The following AXIN1 variants were observed in gnomAD, a reference collection of about 807,000 sequenced individuals.
AXIN1 encodes the protein axin-1.
In AXIN1, 30 loss-of-function variants were observed where a neutral mutation model predicts 76.4. The ratio of observed to expected loss-of-function variants is 0.39; its 90% CI spans 0.29 to 0.53. The LOEUF (loss-of-function observed/expected upper bound fraction) is 0.53, where lower values mean the gene tolerates loss of function less well. Ranked by LOEUF, AXIN1 falls within the 20% of genes least tolerant of loss-of-function variation. The probability of loss-of-function intolerance (pLI) is 0.66; values close to 1 mark genes in which losing one functional copy is unlikely to be tolerated. For synonymous variants in AXIN1, 545 were observed against 501.4 expected (o/e 1.09, Z -1.16); for missense variants, 1,140 against 1,198.8 (o/e 0.95, Z 0.72).
At chr16:321,344 G>A (rs2053453540) in intron 2 of AXIN1, among the ~76,000 whole-genome samples, 1 of 148,330 alleles carries the variant, frequency 6.7e-6, no homozygotes, top group Non-Finnish European at 1.5e-5. Flanking sequence ...CCACTATGGG[G>A]AAACAGCAAA....
intron 3 of AXIN1, among the ~76,000 whole-genome samples, chr16:312,940 C>T (rs924892431): frequency 2.0e-5 from 3 of 152,234 alleles, no homozygotes; most frequent in Non-Finnish European, 4.4e-5. Context: ...ATAATCCCAG[C>T]ACTCGTGAGG....
Position 346,872 on chromosome 16 carries a change from T to C in AXIN1, c.154A>G (p.Ile52Val). 1.2e-6 allele frequency: 2 copies of C among 1,613,752 alleles called. No individual in the cohort carries two copies. Among genetic ancestry groups the C allele is most frequent in the South Asian group, 1.1e-5 (1 of 91,086 alleles). ...YSFCSGKGVGIKGETSTATPR... is the reference protein window; with the variant it reads ...YSFCSGKGVGVKGETSTATPR... ...GTGGCCGTCGAAGTCTCACCTTTAA[T>C]GCCAACACCTTTCCCGGAGCAGAAA... Residue 52 changes from isoleucine (I) to valine (V), a missense_variant, in exon 2 of 11, where the codon ATT (isoleucine) becomes GTT (valine). By Grantham distance (29) the Ile-to-Val change is conservative (BLOSUM62 3). This residue lies in a region of AXIN1 where 708 missense variants were observed against 776.9 expected (regional missense o/e 0.91). Transcript: ENST00000262320.
At position 297,739 on chromosome 16, in the gene AXIN1, A is replaced by C. The variant is rs2052753332; in HGVS notation, c.1767T>G (p.Ser589Arg). ...ACGCTCACCTGTGGGCGAGGCCATC[A>C]CTGGCGTTGGGGGCAGCGCCAACAC... ...SESVGAAPNA[S>R]DGLAHSGKVG... Residue 589 changes from serine (S) to arginine (R), a missense_variant, in exon 6 of 11, where the codon AGT (serine) becomes AGG (arginine). By Grantham distance (110) the Ser-to-Arg change is moderately radical. This residue lies in a region of AXIN1 where 429 missense variants were observed against 405.8 expected (regional missense o/e 1.06). Coordinates refer to ENST00000262320, the MANE Select transcript of AXIN1 (RefSeq NM_003502.4). 6.3e-7 allele frequency: 1 copy of C among 1,598,910 alleles called. No individual in the cohort carries two copies. Among genetic ancestry groups the C allele is most frequent in the South Asian group, 1.1e-5 (1 of 90,124 alleles).
At chr16:335,692 G>A (rs1288859638) in intron 2 of AXIN1, among the ~76,000 whole-genome samples, 1 of 151,208 alleles carries the variant, frequency 6.6e-6, no homozygotes, top group African/African-American at 2.4e-5. Context: ...CCAGCTCCAA[G>A]GCACCCAGTA....
At chr16:329,272 C>CAAAA (rs1176095680) in intron 2 of AXIN1, among the ~76,000 whole-genome samples, 18 of 71,204 alleles carry the variant, frequency 2.5e-4, no homozygotes, top group African/African-American at 5.3e-4. Flanking sequence ...GCGAGACTGT[C>CAAAA]AAAAAAAAAA....
intron 2 of AXIN1, among the ~76,000 whole-genome samples, chr16:334,053 C>T (rs1361685551): frequency 7.2e-6 from 1 of 139,672 alleles, no homozygotes; most frequent in African/African-American, 2.7e-5. Flanking sequence ...ATAGCATGCC[C>T]ATAACACAGC....
rs544309967 is a variant in AXIN1, at chr16:306,753, C to G, written c.1117-2312G>C. ...GCACGCCCAGGACACTGGGTGATGC[C>G]TCAGAGCTGGGAAAAGTCACTGCTG... On this transcript the variant is annotated intron_variant, in intron 4 of 10. Coordinates refer to ENST00000262320, the MANE Select transcript of AXIN1 (RefSeq NM_003502.4). Among the ~76,000 whole-genome samples, 87 of 152,354 alleles carry G rather than the reference C, an allele frequency of 5.7e-4. 3 individuals carry two copies. The South Asian group carries it at 0.017, about 29-fold the overall frequency.
chr16:291,256 C>A lies in AXIN1; in HGVS notation c.2228G>T (p.Arg743Met). 6.3e-7 allele frequency: 1 copy of A among 1,585,342 alleles called. No individual in the cohort carries two copies. Among genetic ancestry groups the A allele is most frequent in the Admixed American group, 1.8e-5 (1 of 54,840 alleles). ...EVMRRGRACV[R>M]PACAPVLHVV... ...GTGCAGCACCGGCGCGCACGCTGGC[C>A]TGACGCAGGCGCGTCCCCGCCGCAT... The change falls in exon 9 of 11, where the codon AGG becomes ATG. Residue 743 changes from arginine (R) to methionine (M), a missense_variant. Physicochemically the swap from Arg to Met is moderately conservative, Grantham distance 91. Coordinates refer to ENST00000262320, the MANE Select transcript of AXIN1 (RefSeq NM_003502.4).
intron 4 of AXIN1, among the ~76,000 whole-genome samples, 155 bp from the exon 5 acceptor site, chr16:304,596 G>A (rs1279087829): frequency 3.3e-5 from 5 of 152,298 alleles, no homozygotes; most frequent in East Asian, 1.9e-4. Flanking sequence ...GTGCAATGGC[G>A]TGATCTTGGC....
Position 327,140 on chromosome 16 carries a change from T to G in AXIN1, c.879-12457A>C, listed in dbSNP as rs1048260034. Among the ~76,000 whole-genome samples the G allele has an allele frequency of 5.4e-5, 8 of 148,808 alleles. 1 individual carries two copies. The South Asian group carries it at 6.4e-4, about 12-fold the overall frequency. ...CTGGGCGACAGAGCGAGGCTCCGTC[T>G]CAAAAAAAAAAAGATTGCCAGCACC... On this transcript the variant is annotated intron_variant, in intron 2 of 10. Coordinates refer to ENST00000262320, the MANE Select transcript of AXIN1 (RefSeq NM_003502.4).
intron 7 of AXIN1, among the ~76,000 whole-genome samples, chr16:295,063 C>CA (rs1247311711): frequency 0.016 from 997 of 60,464 alleles, 5 homozygotes; most frequent in Middle Eastern, 0.027. Context: ...GACTCCGTCT[C>CA]AAAAAAAAAA....
chr16:319,518 A>G (rs1232719699), intron 2 of AXIN1, among the ~76,000 whole-genome samples: 1 of 152,216 alleles, frequency 6.6e-6, no homozygotes, highest in East Asian at 1.9e-4. Flanking sequence ...CTTCAAGGCA[A>G]CAGGAAATGA....
intron 5 of AXIN1, among the ~76,000 whole-genome samples, chr16:299,920 G>A (rs754194136): frequency 6.6e-6 from 1 of 152,066 alleles, no homozygotes; most frequent in South Asian, 2.1e-4. Context: ...CTCCCAAAGT[G>A]CTGGGATTAC....
intron 2 of AXIN1, among the ~76,000 whole-genome samples, chr16:323,616 C>G (rs1461704547): frequency 6.7e-6 from 1 of 150,004 alleles, no homozygotes; most frequent in Non-Finnish European, 1.5e-5. Context: ...CCTGTCTCTA[C>G]CAAAAATACA....
chr16:329,280 A>C (rs1328095257), intron 2 of AXIN1, among the ~76,000 whole-genome samples: 1 of 151,554 alleles, frequency 6.6e-6, no homozygotes, highest in African/African-American at 2.4e-5. Flanking sequence ...GTCAAAAAAA[A>C]AAAAAAAAAA....
At position 298,128 on chromosome 16, in the gene AXIN1, G is replaced by A. The variant is rs748975424; in HGVS notation, c.1378C>T (p.Arg460Trp). 135 of 1,544,498 alleles carry A rather than the reference G, an allele frequency of 8.7e-5. No individual in the cohort carries two copies. Among genetic ancestry groups the A allele is most frequent in the Middle Eastern group, 3.3e-4 (2 of 6,010 alleles). The change falls in exon 6 of 11, where the codon CGG (arginine) becomes TGG (tryptophan). Residue 460 changes from arginine to tryptophan, a missense_variant. Arg to Trp is a moderately radical substitution (Grantham distance 101). Transcript: ENST00000262320. ...TCAGGGTTCTCCTCGTGTGCATCCC[G>A]GAGCCCGGCACAGCCCATGTCCACA... ...RCVDMGCAGL[R>W]DAHEENPESI...
intron 2 of AXIN1, among the ~76,000 whole-genome samples, chr16:320,948 C>T (rs904243566): frequency 2.0e-5 from 3 of 151,958 alleles, no homozygotes; most frequent in East Asian, 1.9e-4. Flanking sequence ...CCGTGTTGGT[C>T]AGGCTGGTCT....
At chr16:295,007 T>A (rs988962492) in intron 7 of AXIN1, among the ~76,000 whole-genome samples, 1 of 139,418 alleles carries the variant, frequency 7.2e-6, no homozygotes, top group African/African-American at 2.7e-5. Flanking sequence ...AGGCTTGCAG[T>A]GAGCTGAGAT....
chr16:296,638 C>A (rs2052718947), intron 7 of AXIN1, among the ~76,000 whole-genome samples: 1 of 152,228 alleles, frequency 6.6e-6, no homozygotes. Context: ...GAGCCTTCCC[C>A]AGCCCTCAGC....
Sources: gnomAD v4.1 joint callset for allele counts (sites outside exome capture counted in the v4.1 genomes callset) on GRCh38, gnomAD v4.1.1 for gene constraint, gnomAD v4.1.1 regional missense constraint, MANE v1.5 for transcripts, NCBI Gene and HGNC (gene_info 2026-07-23, HGNC 2026-07-21) for gene names.